EIF4ENIF1: variants seen among roughly 807,000 people sequenced by gnomAD.
EIF4ENIF1 encodes the protein eukaryotic translation initiation factor 4E nuclear import factor 1.
Under a neutral mutation model 110.5 loss-of-function variants are expected in EIF4ENIF1, and 23 were observed. The observed-to-expected ratio is 0.21, with a 90% confidence interval of 0.15 to 0.29. The LOEUF is 0.29. Among genes scored for constraint, EIF4ENIF1 ranks in the 10% least tolerant of loss-of-function variants. The pLI is 1.00. For synonymous variants in EIF4ENIF1, 440 were observed against 437.0 expected (o/e 1.01, Z -0.09); for missense variants, 1,031 against 1,221.1 (o/e 0.84, Z 2.32).
At position 31,463,803 on chromosome 22, in the gene EIF4ENIF1, T is replaced by C; in HGVS notation, c.463A>G (p.Ile155Val). Residue 155 changes from isoleucine to valine, a missense_variant, in exon 5 of 19, where the codon ATT becomes GTT. By Grantham distance (29) the Ile-to-Val change is conservative. This residue lies in a region of EIF4ENIF1 where 704 missense variants were observed against 879.7 expected (regional missense o/e 0.80). Coordinates refer to ENST00000330125, the MANE Select transcript of EIF4ENIF1 (RefSeq NM_019843.4). Reference sequence around the variant, plus strand: ...GCAGAGATTATCCTCCCACTGCCAATCCTACGTCCACCAAGCAGACGAAGC... The same window carrying C: ...GCAGAGATTATCCTCCCACTGCCAACCCTACGTCCACCAAGCAGACGAAGC... ...DGLRLLGGRR[I>V]GSGRIISART... 1 of 1,613,948 alleles carries C rather than the reference T, an allele frequency of 6.2e-7. No individual in the cohort carries two copies. The highest frequency in any genetic ancestry group is 1.1e-5 in the South Asian group (1 of 91,076).
chr22:31,482,766 G>A (rs1401024178), intron 2 of EIF4ENIF1, among the ~76,000 whole-genome samples: 1 of 152,014 alleles, frequency 6.6e-6, no homozygotes, highest in Admixed American at 6.6e-5. Context: ...GCTCACGCCT[G>A]TAATCAGAGC....
intron 4 of EIF4ENIF1, among the ~76,000 whole-genome samples, chr22:31,466,672 A>G (rs538516661): frequency 1.1e-3 from 164 of 150,606 alleles, no homozygotes; most frequent in Non-Finnish European, 2.1e-3. Flanking sequence ...AGGGACACAT[A>G]GGAATACTAG....
At chr22:31,488,586 T>C (rs1569112870) in intron 2 of EIF4ENIF1, 37 bp downstream of exon 2, 1 of 1,613,864 alleles carries the variant, frequency 6.2e-7, no homozygotes, top group Admixed American at 1.7e-5. Context: ...CTTCGCCACC[T>C]AAAAAGAAAC....
At chr22:31,441,053 G>A (rs746373635) in intron 17 of EIF4ENIF1, among the ~76,000 whole-genome samples, 185 bp from the exon 18 acceptor site, 1 of 152,024 alleles carries the variant, frequency 6.6e-6, no homozygotes, top group Non-Finnish European at 1.5e-5. Context: ...TCAGGAGTTC[G>A]AGACCAGTAT....
intron 15 of EIF4ENIF1, among the ~76,000 whole-genome samples, chr22:31,444,200 T>C (rs1197669386): frequency 1.3e-5 from 2 of 152,200 alleles, no homozygotes; most frequent in Non-Finnish European, 2.9e-5. Context: ...CACTGAGACC[T>C]GAAGTGGTGA....
chr22:31,438,983 G>A (rs1208687904), downstream of EIF4ENIF1, among the ~76,000 whole-genome samples: 1 of 152,170 alleles, frequency 6.6e-6, no homozygotes, highest in Non-Finnish European at 1.5e-5. Context: ...GCCTCCCAGA[G>A]TGCTGAGATT....
intron 2 of EIF4ENIF1, among the ~76,000 whole-genome samples, chr22:31,488,326 C>T (rs555824939): frequency 1.3e-5 from 2 of 152,256 alleles, no homozygotes; most frequent in African/African-American, 4.8e-5. Flanking sequence ...AATCAATAAA[C>T]GTACCAATTA....
At position 31,480,627 on chromosome 22, in the gene EIF4ENIF1, C is replaced by T. The variant is rs554229138; in HGVS notation, c.96+7996G>A. ...AAAATTAGCCGGGCATGGTGGCGTGCGCCTGTAGTCCCAGCTACTCGGGAG... is the reference window on the plus strand; with the variant it reads ...AAAATTAGCCGGGCATGGTGGCGTGTGCCTGTAGTCCCAGCTACTCGGGAG... On this transcript the variant is annotated intron_variant, in intron 2 of 18. Transcript: ENST00000330125. 3.3e-5 allele frequency among the ~76,000 whole-genome samples: 5 copies of T among 152,116 alleles called. No homozygotes were observed. The East Asian group carries it at 5.8e-4, about 18-fold the overall frequency.
At chr22:31,444,475 T>TG in intron 15 of EIF4ENIF1, 131 bp downstream of exon 15, 2 of 853,786 alleles carry the variant, frequency 2.3e-6, no homozygotes, top group Middle Eastern at 2.4e-4. Context: ...TAGACAGTTA[T>TG]GAAAAACTAC....
downstream of EIF4ENIF1, chr22:31,437,035 GT>G (rs1392401080): frequency 2.6e-5 from 4 of 152,280 alleles, no homozygotes; most frequent in South Asian, 6.2e-4. Flanking sequence ...TCCCTTCCCT[GT>G]TAATAGAGTC....
In EIF4ENIF1 at chr22:31,469,137, T is replaced by C. The variant is rs934121048; in HGVS notation, c.171-835A>G. Among the ~76,000 whole-genome samples, 7 of 152,026 alleles carry C rather than the reference T, an allele frequency of 4.6e-5. No individual in the cohort carries two copies. In the East Asian group the frequency reaches 1.3e-3, roughly 29 times the overall value. On this transcript the variant is annotated intron_variant, in intron 3 of 18. Coordinates refer to ENST00000330125, the MANE Select transcript of EIF4ENIF1 (RefSeq NM_019843.4). ...TTTTATTCTCTGTGTAATGATGGGG[T>C]GGTGGGTAGTACTGTGCACGAGCAG...
At chr22:31,463,178 C>T in intron 5 of EIF4ENIF1, 45 bp from the exon 6 acceptor site, 1 of 1,578,090 alleles carries the variant, frequency 6.3e-7, no homozygotes, top group South Asian at 1.1e-5. Flanking sequence ...CTAGTCAAGC[C>T]ATTTCTACTT....
At position 31,466,082 on chromosome 22, in the gene EIF4ENIF1, C is replaced by T. The variant is rs988135932; in HGVS notation, c.298+2093G>A. Among the ~76,000 whole-genome samples, 15 of 152,158 alleles carry T rather than the reference C, an allele frequency of 9.9e-5. 1 individual carries two copies. Among genetic ancestry groups the T allele is most frequent in the Non-Finnish European group, 1.2e-4 (8 of 68,022 alleles). On this transcript the variant is annotated intron_variant, in intron 4 of 18. Transcript: ENST00000330125. Reference sequence around the variant, plus strand: ...CCTGAGGTTGGGAGTTCAACACCAGCCTGGCCAACATAGGGAAACCTTGTC... The same window carrying T: ...CCTGAGGTTGGGAGTTCAACACCAGTCTGGCCAACATAGGGAAACCTTGTC...
intron 2 of EIF4ENIF1, among the ~76,000 whole-genome samples, chr22:31,477,357 C>CAAAAAAAAAAA (rs749894840): frequency 4.3e-4 from 20 of 46,826 alleles, no homozygotes; most frequent in East Asian, 3.2e-3. Context: ...CCTCTGTCTC[C>CAAAAAAAAAAA]AAAAAAAAAA....
At chr22:31,478,995 T>A (rs1221048542) in intron 2 of EIF4ENIF1, among the ~76,000 whole-genome samples, 1 of 147,012 alleles carries the variant, frequency 6.8e-6, no homozygotes, top group Non-Finnish European at 1.5e-5. Flanking sequence ...ACTGTCCACA[T>A]AATATATCCT....
At chr22:31,438,465 C>T (rs1015177402), downstream of EIF4ENIF1, among the ~76,000 whole-genome samples, 6 of 152,178 alleles carry the variant, frequency 3.9e-5, no homozygotes, top group African/African-American at 1.4e-4. Flanking sequence ...AAGCTCAGAA[C>T]TCTGAGCTTA....
chr22:31,442,183 G>A (rs568064794), intron 16 of EIF4ENIF1, 65 bp from the exon 17 acceptor site: 22 of 1,240,368 alleles, frequency 1.8e-5, no homozygotes, highest in African/African-American at 3.0e-5. Flanking sequence ...CCTCCCACTG[G>A]TCTAATAAAT....
intron 2 of EIF4ENIF1, among the ~76,000 whole-genome samples, chr22:31,472,243 A>G (rs994440911): frequency 6.6e-6 from 1 of 151,562 alleles, no homozygotes; most frequent in Non-Finnish European, 1.5e-5. Context: ...CCAATTTTCA[A>G]TGCATTAGAT....
At chr22:31,466,179 G>A (rs1043839452) in intron 4 of EIF4ENIF1, among the ~76,000 whole-genome samples, 1 of 152,156 alleles carries the variant, frequency 6.6e-6, no homozygotes, top group Non-Finnish European at 1.5e-5. Flanking sequence ...TTGGGAGGCT[G>A]AGGTGGGTGG....
Sources: gnomAD v4.1 joint callset for allele counts (sites outside exome capture counted in the v4.1 genomes callset) on GRCh38, gnomAD v4.1.1 for gene constraint, gnomAD v4.1.1 regional missense constraint, MANE v1.5 for transcripts, NCBI Gene and HGNC (gene_info 2026-07-23, HGNC 2026-07-21) for gene names.